The following MEGF11 variants were observed in gnomAD, a reference collection of about 807,000 sequenced individuals.
MEGF11 encodes the protein multiple EGF like domains 11.
A neutral mutation model predicts 146.6 loss-of-function variants in MEGF11; 126 were observed. That is an observed-to-expected ratio of 0.86 (90% CI 0.74 to 1.00). MEGF11 has a LOEUF of 1.00. MEGF11 is among the 50% of genes least tolerant of loss of function. MEGF11 has a pLI of 0.00. For synonymous variants in MEGF11, 532 were observed against 583.4 expected (o/e 0.91, Z 1.27); for missense variants, 1,509 against 1,521.2 (o/e 0.99, Z 0.13).
intron 9 of MEGF11, among the ~76,000 whole-genome samples, chr15:65,963,975 A>G (rs1365108632): frequency 6.6e-6 from 1 of 152,236 alleles, no homozygotes; most frequent in Non-Finnish European, 1.5e-5. Flanking sequence ...TGCCCTGCCA[A>G]CAGCAGCAGC....
intron 1 of MEGF11, among the ~76,000 whole-genome samples, chr15:66,185,734 C>T (rs2090678208): frequency 2.0e-5 from 3 of 152,130 alleles, no homozygotes; most frequent in Admixed American, 6.5e-5. Context: ...GGTCAGATGC[C>T]CACCCAGCAG....
intron 1 of MEGF11, among the ~76,000 whole-genome samples, chr15:66,162,189 C>G (rs913607002): frequency 6.6e-6 from 1 of 152,130 alleles, no homozygotes; most frequent in Non-Finnish European, 1.5e-5. Flanking sequence ...AAGTAAGGTT[C>G]AGGCTGAGCC....
intron 1 of MEGF11, among the ~76,000 whole-genome samples, chr15:66,159,650 A>T (rs111800648): frequency 0.017 from 2,542 of 152,240 alleles, 25 homozygotes; most frequent in African/African-American, 0.019. Flanking sequence ...TTGGTGCTAG[A>T]GGGGCCACGA....
chr15:66,009,243 T>A (rs2082624134), intron 5 of MEGF11, among the ~76,000 whole-genome samples: 1 of 8,296 alleles, frequency 1.2e-4, no homozygotes. Context: ...TAACCTAAGT[T>A]TTTTTTTTTT....
At position 66,147,776 on chromosome 15, in the gene MEGF11, G is replaced by A. The variant is rs1422290819; in HGVS notation, c.-8-19365C>T. ...AGAACACAACACACCTTGTGAGCCA[G>A]GACTGTTCTGAGATAAATGGGCAGC... On this transcript the variant is annotated intron_variant, in intron 1 of 25. Coordinates refer to ENST00000395614, the MANE Select transcript of MEGF11 (RefSeq NM_001385028.1). Among the ~76,000 whole-genome samples, 6 of 152,372 alleles carry A rather than the reference G, an allele frequency of 3.9e-5. No homozygotes were observed. In the East Asian group the frequency reaches 9.6e-4, roughly 24 times the overall value.
chr15:65,951,678 G>A (rs1454858278), intron 10 of MEGF11, among the ~76,000 whole-genome samples: 4 of 148,338 alleles, frequency 2.7e-5, no homozygotes, highest in African/African-American at 7.4e-5. Flanking sequence ...CAGAGCAAGA[G>A]TCCATCTCAA....
intron 1 of MEGF11, among the ~76,000 whole-genome samples, chr15:66,149,968 TG>T (rs1287189865): frequency 6.6e-6 from 1 of 152,220 alleles, no homozygotes; most frequent in Non-Finnish European, 1.5e-5. Context: ...CATTGCTCCC[TG>T]GAAGCAGTGC....
At chr15:66,242,918 G>A (rs2092239516) in intron 1 of MEGF11, among the ~76,000 whole-genome samples, 1 of 152,234 alleles carries the variant, frequency 6.6e-6, no homozygotes, top group Non-Finnish European at 1.5e-5. Context: ...TATTTCAATG[G>A]AAATGGGACA....
chr15:66,025,771 A>G (rs2083307913), intron 5 of MEGF11, among the ~76,000 whole-genome samples: 1 of 152,074 alleles, frequency 6.6e-6, no homozygotes, highest in Admixed American at 6.5e-5. Flanking sequence ...GCAGACTTAC[A>G]CTTCTGTGAA....
At chr15:66,059,188 A>G (rs4776712) in intron 5 of MEGF11, among the ~76,000 whole-genome samples, 149,223 of 152,324 alleles carry the variant, frequency 0.98, 73,177 homozygotes, top group East Asian at 1. Flanking sequence ...GGTGTGGCTT[A>G]GTGGCACAGC....
At chr15:66,106,583 C>T (rs1264514127) in intron 4 of MEGF11, among the ~76,000 whole-genome samples, 1 of 152,142 alleles carries the variant, frequency 6.6e-6, no homozygotes, top group African/African-American at 2.4e-5. Flanking sequence ...CACAGAGAAG[C>T]TAAGTAATTT....
chr15:66,015,171 G>T (rs938723657), intron 5 of MEGF11, among the ~76,000 whole-genome samples: 5 of 152,176 alleles, frequency 3.3e-5, no homozygotes, highest in African/African-American at 1.2e-4. Flanking sequence ...GCCACACGGA[G>T]GGGTCTACAT....
chr15:66,182,416 C>CATT (rs35719866), intron 1 of MEGF11, among the ~76,000 whole-genome samples: 83,405 of 151,670 alleles, frequency 0.55, 23,948 homozygotes, highest in East Asian at 0.66. Context: ...ATAGAACTGT[C>CATT]AAGCCAACAG....
chr15:65,994,779 C>T (rs2082152785), intron 5 of MEGF11, among the ~76,000 whole-genome samples: 1 of 152,200 alleles, frequency 6.6e-6, no homozygotes, highest in Non-Finnish European at 1.5e-5. Flanking sequence ...GCTGATCGTC[C>T]AGCAGCATTC....
At chr15:66,244,614 A>C (rs1240260842) in intron 1 of MEGF11, among the ~76,000 whole-genome samples, 1 of 152,180 alleles carries the variant, frequency 6.6e-6, no homozygotes, top group Admixed American at 6.5e-5. Flanking sequence ...ACTCTCCCAG[A>C]GCCACGCTTT....
At chr15:66,122,944 C>T (rs1197818055) in intron 3 of MEGF11, among the ~76,000 whole-genome samples, 1 of 151,946 alleles carries the variant, frequency 6.6e-6, no homozygotes, top group Non-Finnish European at 1.5e-5. Flanking sequence ...CCACCACGCC[C>T]GGCTAATTTT....
intron 1 of MEGF11, among the ~76,000 whole-genome samples, chr15:66,224,541 G>T (rs957661141): frequency 6.6e-6 from 1 of 150,620 alleles, no homozygotes; most frequent in African/African-American, 2.4e-5. Flanking sequence ...CCAAGATGGC[G>T]CCACTGTACT....
At chr15:66,247,608 G>A (rs549774171) in intron 1 of MEGF11, among the ~76,000 whole-genome samples, 13 of 152,278 alleles carry the variant, frequency 8.5e-5, no homozygotes, top group Non-Finnish European at 1.6e-4. Flanking sequence ...AGGTGCTGTG[G>A]TGCACATCTG....
chr15:66,252,218 C>A (rs1478725031), intron 1 of MEGF11, among the ~76,000 whole-genome samples: 1 of 128,760 alleles, frequency 7.8e-6, no homozygotes, highest in East Asian at 2.3e-4. Flanking sequence ...GCGAGCCGCA[C>A]CCCCCGCCCC....
Sources: gnomAD v4.1 joint callset for allele counts (sites outside exome capture counted in the v4.1 genomes callset) on GRCh38, gnomAD v4.1.1 for gene constraint, MANE v1.5 for transcripts, NCBI Gene and HGNC (gene_info 2026-07-23, HGNC 2026-07-21) for gene names.